Variants in OR1J2 observed in about 807,000 individuals in gnomAD.
OR1J2 encodes olfactory receptor 1J2.
For missense variants in OR1J2, 304 were observed against 246.1 expected, an observed-to-expected ratio of 1.24 and a Z score of -1.57; for synonymous variants, 142 against 99.7, an observed-to-expected ratio of 1.42 and a Z score of -2.52.
At chr9:122,476,839 G>A in the OR1J2 span, 2 of 594,620 alleles carry the variant, frequency 3.4e-6, no homozygotes, top group Non-Finnish European at 6.0e-6. Context: ...CCGAGTAGCT[G>A]GGACTATAGG....
the OR1J2 span, among the ~76,000 whole-genome samples, chr9:122,463,079 T>TTAA: frequency 0.049 from 7,442 of 152,246 alleles, 271 homozygotes; most frequent in Non-Finnish European, 0.073. Context: ...CTTTGGCTAT[T>TTAA]TAACATAACC....
At chr9:122,476,717 C>CT in the OR1J2 span, among the ~76,000 whole-genome samples, 13 of 149,574 alleles carry the variant, frequency 8.7e-5, no homozygotes, top group African/African-American at 2.2e-4. Flanking sequence ...TTTCTTTTTT[C>CT]TTTTTTTTGA....
At chr9:122,466,900 C>A in the OR1J2 span, among the ~76,000 whole-genome samples, 1 of 152,032 alleles carries the variant, frequency 6.6e-6, no homozygotes, top group Admixed American at 6.5e-5. Context: ...CACACAGCAA[C>A]CTCTGCCTCC....
the OR1J2 span, among the ~76,000 whole-genome samples, chr9:122,465,096 A>G: frequency 3.9e-5 from 6 of 152,154 alleles, no homozygotes; most frequent in African/African-American, 1.2e-4. Context: ...AATTGCCACC[A>G]TTCTATGAGG....
At chr9:122,461,495 T>G in the OR1J2 span, among the ~76,000 whole-genome samples, 1 of 152,140 alleles carries the variant, frequency 6.6e-6, no homozygotes, top group Non-Finnish European at 1.5e-5. Context: ...TCCAGTTACA[T>G]GAGGTGTGAC....
the OR1J2 span, among the ~76,000 whole-genome samples, chr9:122,524,289 G>A: frequency 6.6e-6 from 1 of 152,218 alleles, no homozygotes; most frequent in Non-Finnish European, 1.5e-5. Context: ...ATCTAGGTTT[G>A]TGTAAGTGTA....
At chr9:122,476,834 T>G in the OR1J2 span, 1 of 589,128 alleles carries the variant, frequency 1.7e-6, no homozygotes, top group African/African-American at 1.9e-5. Flanking sequence ...GTCTCCCGAG[T>G]AGCTGGGACT....
At chr9:122,544,091 G>A in the OR1J2 span, among the ~76,000 whole-genome samples, 1 of 152,062 alleles carries the variant, frequency 6.6e-6, no homozygotes, top group Admixed American at 6.6e-5. Flanking sequence ...TACAATGTAT[G>A]CATAGATCAA....
chr9:122,568,690 C>G, the OR1J2 span: 1 of 461,666 alleles, frequency 2.2e-6, no homozygotes, highest in Non-Finnish European at 3.8e-6. Context: ...ATATTGAAAT[C>G]TGGAGGGACA....
At chr9:122,560,355 A>T in the OR1J2 span, among the ~76,000 whole-genome samples, 2 of 152,122 alleles carry the variant, frequency 1.3e-5, no homozygotes, top group African/African-American at 4.8e-5. Flanking sequence ...CTATGTGTGA[A>T]TTTGATCCTG....
chr9:122,465,548 G>A, the OR1J2 span, among the ~76,000 whole-genome samples: 1 of 152,186 alleles, frequency 6.6e-6, no homozygotes, highest in Non-Finnish European at 1.5e-5. Flanking sequence ...ATACTGGGGG[G>A]CATTTGAGCT....
the OR1J2 span, among the ~76,000 whole-genome samples, chr9:122,501,497 C>A: frequency 6.6e-6 from 1 of 152,158 alleles, no homozygotes; most frequent in African/African-American, 2.4e-5. Context: ...TCAAAATAAC[C>A]TTCAGCCAAC....
At chr9:122,571,524 T>TG in the OR1J2 span, among the ~76,000 whole-genome samples, 1 of 142,974 alleles carries the variant, frequency 7.0e-6, no homozygotes, top group African/African-American at 2.6e-5. Context: ...CACTCCAGCC[T>TG]GGCCAACAGA....
the OR1J2 span, among the ~76,000 whole-genome samples, chr9:122,544,415 C>CTT: frequency 5.0e-3 from 429 of 85,306 alleles, no homozygotes; most frequent in Non-Finnish European, 7.0e-3. Flanking sequence ...CCTCTTTTTT[C>CTT]TTTTTTTTTT....
At chr9:122,574,687 T>C in the OR1J2 span, among the ~76,000 whole-genome samples, 1 of 152,146 alleles carries the variant, frequency 6.6e-6, no homozygotes, top group Non-Finnish European at 1.5e-5. Context: ...TTATTACTAT[T>C]CTTGTCTTAT....
chr9:122,520,309 G>A, the OR1J2 span, among the ~76,000 whole-genome samples: 1 of 152,174 alleles, frequency 6.6e-6, no homozygotes. Flanking sequence ...ATAGTTAACA[G>A]AACTTAAATC....
the OR1J2 span, among the ~76,000 whole-genome samples, chr9:122,496,739 A>G: frequency 6.6e-6 from 1 of 152,150 alleles, no homozygotes; most frequent in African/African-American, 2.4e-5. Context: ...AGGTCATAGT[A>G]GATAAGAGAC....
the OR1J2 span, among the ~76,000 whole-genome samples, chr9:122,555,420 G>T: frequency 6.4e-4 from 98 of 152,276 alleles, no homozygotes; most frequent in African/African-American, 2.2e-3. Flanking sequence ...TGAATTAGGT[G>T]ACTTGGCCCT....
At chr9:122,526,753 GA>G in the OR1J2 span, 2 of 1,614,148 alleles carry the variant, frequency 1.2e-6, no homozygotes, top group South Asian at 1.1e-5. Flanking sequence ...TTCAGGACAG[GA>G]GTGATGTCAC....
Sources: allele counts gnomAD v4.1 joint callset (sites outside exome capture counted in the v4.1 genomes callset), GRCh38; gene constraint gnomAD v4.1.1; transcripts MANE v1.5; gene names NCBI Gene and HGNC (gene_info 2026-07-23, HGNC 2026-07-21).